Variants in DAPK2 observed in about 807,000 individuals in gnomAD.
The protein encoded by DAPK2 is death-associated protein kinase 2.
Under a neutral mutation model 44.1 loss-of-function variants are expected in DAPK2, and 35 were observed. The ratio of observed to expected loss-of-function variants is 0.79; its 90% confidence interval spans 0.61 to 1.05. The LOEUF (loss-of-function observed/expected upper bound fraction) is 1.05. Ranked by LOEUF, DAPK2 falls within the 50% of genes least tolerant of loss-of-function variation. DAPK2 has a pLI of 0.00. For synonymous variants in DAPK2, 174 were observed against 182.6 expected, an observed-to-expected ratio of 0.95 and a Z score of 0.38; for missense variants, 453 against 483.2, an observed-to-expected ratio of 0.94 and a Z score of 0.59.
At chr15:64,024,364 G>A (rs2079775941) in intron 1 of DAPK2, among the ~76,000 whole-genome samples, 1 of 152,144 alleles carries the variant, frequency 6.6e-6, no homozygotes, top group African/African-American at 2.4e-5. Flanking sequence ...AGCATGCCCT[G>A]GGGAGGCTCA....
intron 8 of DAPK2, chr15:63,921,610 A>G (rs1309360237): frequency 6.6e-6 from 1 of 152,208 alleles, no homozygotes; most frequent in Non-Finnish European, 1.5e-5. Flanking sequence ...GGGTCATGAA[A>G]CGACCATGTG....
At chr15:63,933,692 A>G (rs11635291) in intron 4 of DAPK2, among the ~76,000 whole-genome samples, 125,172 of 150,342 alleles carry the variant, frequency 0.83, 53,264 homozygotes, top group East Asian at 0.98. Context: ...TCAACCCCCT[A>G]GGGTTAAGCG....
At chr15:63,970,247 C>T (rs1488533226) in intron 3 of DAPK2, among the ~76,000 whole-genome samples, 1 of 152,224 alleles carries the variant, frequency 6.6e-6, no homozygotes, top group African/African-American at 2.4e-5. Context: ...CTTGTGTCTG[C>T]TTCCTGCACT....
chr15:64,045,185 C>T (rs1485571236), upstream of DAPK2, among the ~76,000 whole-genome samples: 2 of 152,168 alleles, frequency 1.3e-5, no homozygotes, highest in African/African-American at 4.8e-5. Context: ...CAGGAACTTA[C>T]CCCAGAGGAG....
intron 6 of DAPK2, among the ~76,000 whole-genome samples, chr15:63,929,081 T>G (rs1287396099): frequency 6.6e-6 from 1 of 151,940 alleles, no homozygotes; most frequent in Non-Finnish European, 1.5e-5. Context: ...GTGCCTGTAA[T>G]CCCGGTTACT....
intron 1 of DAPK2, among the ~76,000 whole-genome samples, chr15:64,032,919 C>A (rs1338656380): frequency 1.3e-5 from 2 of 151,964 alleles, no homozygotes; most frequent in Non-Finnish European, 2.9e-5. Context: ...AACCCCATCT[C>A]TACTAAAAAT....
upstream of DAPK2, among the ~76,000 whole-genome samples, chr15:64,043,416 C>A (rs2080391314): frequency 1.3e-5 from 2 of 152,202 alleles, no homozygotes; most frequent in African/African-American, 4.8e-5. Context: ...ACAATGGAAT[C>A]ATTATACAGC....
At chr15:64,034,030 C>A (rs940051068) in intron 1 of DAPK2, among the ~76,000 whole-genome samples, 2 of 152,044 alleles carry the variant, frequency 1.3e-5, no homozygotes, top group African/African-American at 4.8e-5. Context: ...AACTTTATGA[C>A]ATTCACCTCG....
chr15:64,033,265 G>C (rs1401694799), intron 1 of DAPK2, among the ~76,000 whole-genome samples: 1 of 114,924 alleles, frequency 8.7e-6, no homozygotes, highest in Non-Finnish European at 1.8e-5. Context: ...GGGAGGGGGA[G>C]GGGGAGGGGG....
chr15:63,995,787 C>A (rs1374433746), intron 1 of DAPK2, among the ~76,000 whole-genome samples: 1 of 152,236 alleles, frequency 6.6e-6, no homozygotes, highest in Non-Finnish European at 1.5e-5. Flanking sequence ...GGTCCTGCTG[C>A]AGAGCGTGCC....
At chr15:63,969,741 TAAA>T (rs11331070) in intron 3 of DAPK2, among the ~76,000 whole-genome samples, 4 of 143,934 alleles carry the variant, frequency 2.8e-5, no homozygotes, top group Non-Finnish European at 4.6e-5. Context: ...CTATCTCTAT[TAAA>T]AAAAAAAAAA....
chr15:63,942,218 C>T, intron 3 of DAPK2: 1 of 985,394 alleles, frequency 1.0e-6, no homozygotes, highest in Non-Finnish European at 1.2e-6. Flanking sequence ...CTCTGTGGCA[C>T]ACAGTCCAGG....
At chr15:63,992,029 G>A (rs1037526996) in intron 1 of DAPK2, among the ~76,000 whole-genome samples, 6 of 152,084 alleles carry the variant, frequency 3.9e-5, no homozygotes, top group Non-Finnish European at 5.9e-5. Flanking sequence ...TTGTTGTTGC[G>A]GGGTACAGGG....
intron 1 of DAPK2, among the ~76,000 whole-genome samples, chr15:64,029,235 T>G (rs1314262003): frequency 6.6e-6 from 1 of 151,636 alleles, no homozygotes; most frequent in Non-Finnish European, 1.5e-5. Flanking sequence ...AGCTTCTAAC[T>G]CAAGCGTGTG....
chr15:63,940,605 G>A lies in DAPK2; in HGVS notation c.454-1244C>T, dbSNP rs539942426. Among the ~76,000 whole-genome samples the A allele has an allele frequency of 1.6e-4, 25 of 152,166 alleles. No individual in the cohort carries two copies. The East Asian group carries it at 2.1e-3, about 13-fold the overall frequency. ...CGCACGCCTGTAGTCCCAGCTGCTC[G>A]GGAGGCTGAGGCAGGAGAATCACTT... On this transcript the variant is annotated intron_variant, in intron 3 of 10. Transcript: ENST00000261891.
At chr15:63,983,676 C>A (rs748449620) in exon 2 of DAPK2, 2 of 1,613,850 alleles carry the variant, frequency 1.2e-6, no homozygotes, top group Non-Finnish European at 1.7e-6. Flanking sequence ...CCCGGCTCTG[C>A]CGCTTCTTGA....
At chr15:63,960,346 C>G (rs2077857834) in intron 3 of DAPK2, among the ~76,000 whole-genome samples, 1 of 152,110 alleles carries the variant, frequency 6.6e-6, no homozygotes, top group African/African-American at 2.4e-5. Context: ...GTGTCTCTAT[C>G]TCCTTCAGTT....
chr15:63,983,431 G>A (rs1377994562), intron 2 of DAPK2, 102 bp downstream of exon 3: 2 of 1,048,874 alleles, frequency 1.9e-6, no homozygotes, highest in Non-Finnish European at 2.9e-6. Flanking sequence ...GCTGAGCTTA[G>A]GCCTGGTTGC....
intron 3 of DAPK2, among the ~76,000 whole-genome samples, chr15:63,957,718 G>A (rs531886404): frequency 1.2e-4 from 19 of 152,078 alleles, no homozygotes; most frequent in African/African-American, 4.1e-4. Context: ...AGTATTCCAC[G>A]GTGTATATGT....
Sources: gnomAD v4.1 joint callset for allele counts (sites outside exome capture counted in the v4.1 genomes callset) on GRCh38, gnomAD v4.1.1 for gene constraint, MANE v1.5 for transcripts, NCBI Gene and HGNC (gene_info 2026-07-23, HGNC 2026-07-21) for gene names.